Variants in ACADS observed in about 807,000 individuals in gnomAD.
ACADS encodes short-chain specific acyl-CoA dehydrogenase, mitochondrial.
In ACADS, 28 loss-of-function variants were observed where a neutral mutation model predicts 46.8. That is an observed-to-expected ratio of 0.60 (90% CI 0.44 to 0.82). The LOEUF (loss-of-function observed/expected upper bound fraction) is 0.82, where lower values mean the gene tolerates loss of function less well. Ranked by LOEUF, ACADS falls within the 40% of genes least tolerant of loss-of-function variation. The probability of loss-of-function intolerance (pLI) is 0.00; values close to 1 mark genes in which losing one functional copy is unlikely to be tolerated. For missense variants in ACADS, 528 were observed against 578.0 expected, an observed-to-expected ratio of 0.91 and a Z score of 0.89; for synonymous variants, 236 against 237.7, an observed-to-expected ratio of 0.99 and a Z score of 0.07.
chr12:120,734,753 AT>A (rs34601782), intron 2 of ACADS, among the ~76,000 whole-genome samples: 134 of 136,842 alleles, frequency 9.8e-4, no homozygotes, highest in East Asian at 1.3e-3. Context: ...AAAAACAATA[AT>A]TTTTTTTTTT....
Position 120,738,088 on chromosome 12 carries a change from TG to T in ACADS, c.624+104del, listed in dbSNP as rs775005211. ...GGCCCGACTGGACCTATTTTTGCTC[TG>T]GGGCAAGTGGGCTGTCCCTGTCCCT... On this transcript the variant is annotated intron_variant, in intron 5 of 9. Coordinates refer to ENST00000242592, the MANE Select transcript of ACADS (RefSeq NM_000017.4). 3.7e-5 allele frequency: 59 copies of T among 1,584,378 alleles called. 3 individuals are homozygous for T. The South Asian group carries it at 6.6e-4, about 18-fold the overall frequency.
At chr12:120,727,900 G>A (rs1466367295) in intron 2 of ACADS, among the ~76,000 whole-genome samples, 1 of 152,014 alleles carries the variant, frequency 6.6e-6, no homozygotes, top group Non-Finnish European at 1.5e-5. Context: ...ACATACCCAA[G>A]GTCATGGAGC....
chr12:120,735,029 T>C (rs1170086924), intron 2 of ACADS, among the ~76,000 whole-genome samples: 2 of 150,638 alleles, frequency 1.3e-5, no homozygotes, highest in South Asian at 2.1e-4. Flanking sequence ...TGAGATTCTT[T>C]GGGAGGCTGA....
In ACADS at chr12:120,739,920, C is replaced by T. The variant is rs1883606712; in HGVS notation, c.*472C>T. ...TGGGCCATGGAGCTGGCCCAGAGGC[C>T]CCTCAGCCCTTTGTAAAGTCTGATG... On this transcript the variant is annotated 3_prime_UTR_variant, in exon 10 of 10. Coordinates refer to ENST00000242592, the MANE Select transcript of ACADS (RefSeq NM_000017.4). The T allele has an allele frequency of 1.1e-5, 2 of 187,150 alleles. No individual in the cohort carries two copies. The highest frequency in any genetic ancestry group is 1.4e-4 in the East Asian group (1 of 7,214). The allele number at this position is 187,150 out of a possible 1,614,324, so 11.6% of individuals were successfully genotyped here.
At chr12:120,731,791 G>A (rs971620805) in intron 2 of ACADS, among the ~76,000 whole-genome samples, 8 of 151,936 alleles carry the variant, frequency 5.3e-5, no homozygotes, top group African/African-American at 1.7e-4. Context: ...GCGGCCTTCC[G>A]CAGTGTTTGT....
At position 120,739,435 on chromosome 12, in the gene ACADS, G is replaced by A. The variant is rs749790770; in HGVS notation, c.1226G>A (p.Ser409Asn). The A allele has an allele frequency of 6.2e-7, 1 of 1,610,254 alleles. No individual in the cohort carries two copies. Among genetic ancestry groups the A allele is most frequent in the African/African-American group, 1.3e-5 (1 of 75,052 alleles). ...RLVIAGHLLR[S>N]YRS The stretch of plus-strand genomic sequence containing the variant: ...GTGATCGCCGGGCATCTGCTCAGGA[G>A]CTACCGGAGCTGAGCCCGCGGCGGA... Residue 409 changes from serine (S) to asparagine (N), a missense_variant, in exon 10 of 10, where the codon AGC (serine) becomes AAC (asparagine). By Grantham distance (46) the Ser-to-Asn change is conservative (BLOSUM62 1). Transcript: ENST00000242592.
intron 2 of ACADS, among the ~76,000 whole-genome samples, chr12:120,736,621 C>T (rs1193430764): frequency 2.6e-5 from 4 of 151,922 alleles, no homozygotes; most frequent in East Asian, 3.9e-4. Flanking sequence ...GGGGAGGGTG[C>T]GTGTGTGTGG....
At chr12:120,737,298 A>G in intron 3 of ACADS, 58 bp from the exon 4 acceptor site, 1 of 1,564,218 alleles carries the variant, frequency 6.4e-7, no homozygotes, top group Non-Finnish European at 8.7e-7. Context: ...TGCAGCCCGC[A>G]GGTGGGCAGG....
chr12:120,736,012 T>C (rs376654811), intron 2 of ACADS, among the ~76,000 whole-genome samples: 5 of 131,566 alleles, frequency 3.8e-5, no homozygotes, highest in East Asian at 1.9e-4. Flanking sequence ...TCCCCGTCCC[T>C]GTCCCTGTCC....
At chr12:120,737,674 C>G (rs1261472500) in intron 4 of ACADS, 163 bp from the exon 5 acceptor site, 15 of 1,139,922 alleles carry the variant, frequency 1.3e-5, no homozygotes, top group Non-Finnish European at 1.7e-5. Context: ...CTGCACACCC[C>G]CCTCGCCCTC....
chr12:120,730,974 G>C (rs562569025), intron 2 of ACADS, among the ~76,000 whole-genome samples: 4 of 152,214 alleles, frequency 2.6e-5, no homozygotes, highest in African/African-American at 9.6e-5. Context: ...TTGAGACAGG[G>C]CCTCACTGTC....
At chr12:120,734,613 C>A (rs994350021) in intron 2 of ACADS, among the ~76,000 whole-genome samples, 4 of 152,000 alleles carry the variant, frequency 2.6e-5, no homozygotes, top group Non-Finnish European at 5.9e-5. Flanking sequence ...TACGTTATTG[C>A]CAAAGTAAGA....
intron 8 of ACADS, 83 bp downstream of exon 8, chr12:120,738,998 T>C: frequency 1.3e-6 from 2 of 1,587,392 alleles, no homozygotes; most frequent in African/African-American, 1.4e-5. Flanking sequence ...CTCTGCTCCT[T>C]GGCCCCGTGG....
In ACADS at chr12:120,727,083, C is replaced by A; in HGVS notation, c.104C>A (p.Pro35His). The A allele has an allele frequency of 6.2e-7, 1 of 1,614,120 alleles. No homozygotes were observed. The change falls in exon 2 of 10, where the codon CCC (proline) becomes CAC (histidine). Residue 35 changes from proline (P) to histidine (H), a missense_variant. By Grantham distance (77) the Pro-to-His change is moderately conservative. Transcript: ENST00000242592. ...LHTIYQSVEL[P>H]ETHQMLLQTC... ...ACCATCTACCAGTCTGTGGAACTGC[C>A]CGAGACACACCAGATGTTGCTCCAG...
intron 1 of ACADS, 148 bp from the exon 2 acceptor site, chr12:120,726,878 C>T (rs917421113): frequency 1.1e-6 from 1 of 907,280 alleles, no homozygotes; most frequent in South Asian, 1.3e-5. Flanking sequence ...TAGTATTCCC[C>T]TGCTCTAGTT....
chr12:120,736,444 G>A (rs549333718), intron 2 of ACADS, among the ~76,000 whole-genome samples: 4 of 152,332 alleles, frequency 2.6e-5, no homozygotes, highest in African/African-American at 9.6e-5. Context: ...GTTCATCCCT[G>A]AGAAATTCCA....
At chr12:120,739,113 A>C (rs1321389342) in intron 8 of ACADS, 27 bp from the exon 9 acceptor site, 1 of 1,612,964 alleles carries the variant, frequency 6.2e-7, no homozygotes. Flanking sequence ...CCTCAAGGGA[A>C]GGCTCTGACT....
At chr12:120,734,635 T>G (rs1883367773) in intron 2 of ACADS, among the ~76,000 whole-genome samples, 1 of 151,936 alleles carries the variant, frequency 6.6e-6, no homozygotes, top group Non-Finnish European at 1.5e-5. Flanking sequence ...CTAGGCTTGG[T>G]GTGGTGGCTC....
rs1234583925 is a variant in ACADS at position 120,728,240 on chromosome 12, C to A, written c.210+1051C>A. Among the ~76,000 whole-genome samples, 1 of 152,168 alleles carries A rather than the reference C, an allele frequency of 6.6e-6. No homozygotes were observed. The highest frequency in any genetic ancestry group is 2.4e-5 in the African/African-American group (1 of 41,446). ...GGGATTACAGGCGTGAGCCACCGTGCCCGGCCTGCTTGAACTGTTTTCTCC... is the reference window on the plus strand; with the variant it reads ...GGGATTACAGGCGTGAGCCACCGTGACCGGCCTGCTTGAACTGTTTTCTCC... On this transcript the variant is annotated intron_variant, in intron 2 of 9. Coordinates refer to ENST00000242592, the MANE Select transcript of ACADS (RefSeq NM_000017.4). The surrounding 1 kb of genome is among the most constrained non-coding windows in gnomAD (Gnocchi z 4.0).
Sources: gnomAD v4.1 joint callset for allele counts (sites outside exome capture counted in the v4.1 genomes callset) on GRCh38, gnomAD v4.1.1 for gene constraint, Gnocchi (gnomAD v3.1) non-coding constraint, MANE v1.5 for transcripts, NCBI Gene and HGNC (gene_info 2026-07-23, HGNC 2026-07-21) for gene names.